Variants in JAKMIP3 observed in about 807,000 individuals in gnomAD.
JAKMIP3 encodes janus kinase and microtubule-interacting protein 3.
In JAKMIP3, 58 loss-of-function variants were observed where a neutral mutation model predicts 118.5. The ratio of observed to expected loss-of-function variants is 0.49; its 90% CI spans 0.40 to 0.61. JAKMIP3 has a LOEUF of 0.61. Among genes scored for constraint, JAKMIP3 ranks in the 20% least tolerant of loss-of-function variants. The probability of loss-of-function intolerance (pLI) is 0.00; values close to 1 mark genes in which losing one functional copy is unlikely to be tolerated. For missense variants in JAKMIP3, 950 were observed against 1,109.0 expected (o/e 0.86, Z 2.04); for synonymous variants, 486 against 451.2 (o/e 1.08, Z -0.98).
intron 1 of JAKMIP3, among the ~76,000 whole-genome samples, chr10:132,093,181 TG>T (rs942836223): frequency 1.3e-5 from 2 of 152,192 alleles, no homozygotes; most frequent in East Asian, 3.8e-4. Context: ...CTGCCCTTAC[TG>T]GGGGGTGCCT....
chr10:132,138,113 C>T lies in JAKMIP3; in HGVS notation c.1285-6C>T. The T allele has an allele frequency of 6.2e-7, 1 of 1,611,318 alleles. No homozygotes were observed. ...CTTACACAACCTCTTCAACTGGCTT[C>T]CGCAGGAGCGGGACAAGCTGTTAAG... On this transcript the variant is annotated splice_polypyrimidine_tract_variant and splice_region_variant and intron_variant, in intron 8 of 23. Coordinates refer to ENST00000684848, the MANE Select transcript of JAKMIP3 (RefSeq NM_001323087.2).
chr10:132,128,409 G>A (rs1023519568), intron 3 of JAKMIP3, among the ~76,000 whole-genome samples: 1 of 152,256 alleles, frequency 6.6e-6, no homozygotes, highest in Admixed American at 6.5e-5. Context: ...AAAAAATACT[G>A]CTTGGAGACA....
intron 1 of JAKMIP3, among the ~76,000 whole-genome samples, chr10:132,077,884 T>C (rs2041078462): frequency 6.6e-6 from 1 of 152,216 alleles, no homozygotes; most frequent in Non-Finnish European, 1.5e-5. Context: ...TGGTCTCGGC[T>C]CACTACAACC....
At chr10:132,139,193 T>C (rs1200156137) in intron 9 of JAKMIP3, among the ~76,000 whole-genome samples, 4 of 83,024 alleles carry the variant, frequency 4.8e-5, no homozygotes, top group African/African-American at 1.9e-4. Context: ...TGTATGTGTG[T>C]GTATGAGTGT....
At chr10:132,050,383 A>G (rs1039164067) in intron 1 of JAKMIP3, among the ~76,000 whole-genome samples, 2 of 152,188 alleles carry the variant, frequency 1.3e-5, no homozygotes, top group Non-Finnish European at 2.9e-5. Flanking sequence ...GGTGGTGTCC[A>G]ATGGACCCTT....
In JAKMIP3 at chr10:132,142,065, C is replaced by CG; in HGVS notation, c.1602+17_1602+18insG. 1 of 1,588,258 alleles carries CG rather than the reference C, an allele frequency of 6.3e-7. No individual in the cohort carries two copies. The highest frequency in any genetic ancestry group is 1.7e-5 in the Admixed American group (1 of 57,312). Reference sequence around the variant, plus strand: ...GAAGTTAAGGTCTACGTGACTTCCACCGCGCGTTCCGGCCCCCCTCGTGCC... The same window carrying CG: ...GAAGTTAAGGTCTACGTGACTTCCACGCGCGCGTTCCGGCCCCCCTCGTGCC... On this transcript the variant is annotated intron_variant, in intron 11 of 23. Transcript: ENST00000684848.
rs577281657 is a variant in JAKMIP3, at chr10:132,178,583, CTG to C, written c.*1104-3770_*1104-3769del. Among the ~76,000 whole-genome samples the C allele has an allele frequency of 2.5e-3, 379 of 152,294 alleles. 1 individual carries two copies. Among genetic ancestry groups the C allele is most frequent in the African/African-American group, 8.8e-3 (364 of 41,552 alleles). On this transcript the variant is annotated intron_variant, in intron 23 of 23. Coordinates refer to ENST00000684848, the MANE Select transcript of JAKMIP3 (RefSeq NM_001323087.2). ...ACTCCATGTCCTATCAGCTGGGAAT[CTG>C]TGTATTTGTGGGGCGGTGTTGGGGA...
At chr10:132,046,178 G>A (rs938406194) in intron 1 of JAKMIP3, among the ~76,000 whole-genome samples, 4 of 152,170 alleles carry the variant, frequency 2.6e-5, no homozygotes, top group African/African-American at 9.7e-5. Context: ...CCAGGGGCCA[G>A]GTGTGGTGGC....
intron 1 of JAKMIP3, among the ~76,000 whole-genome samples, chr10:132,101,937 G>C (rs1366163533): frequency 6.6e-6 from 1 of 152,000 alleles, no homozygotes; most frequent in Non-Finnish European, 1.5e-5. Context: ...CCCCAGGGAG[G>C]ACTGTGGGAG....
At position 132,133,339 on chromosome 10, in the gene JAKMIP3, G is replaced by A; in HGVS notation, c.661G>A (p.Ala221Thr). Residue 221 changes from alanine to threonine, a missense_variant, in exon 4 of 24, where the codon GCA becomes ACA. Physicochemically the swap from Ala to Thr is moderately conservative, Grantham distance 58. Coordinates refer to ENST00000684848, the MANE Select transcript of JAKMIP3 (RefSeq NM_001323087.2). ...LMEEIKFKDR[A>T]VFVLERELGV... Reference sequence around the variant, plus strand: ...GGAGGAGATAAAATTTAAAGACAGAGCAGTCTTCGTGCTGGAGAGAGAGTT... The same window carrying A: ...GGAGGAGATAAAATTTAAAGACAGAACAGTCTTCGTGCTGGAGAGAGAGTT... The A allele has an allele frequency of 6.3e-7, 1 of 1,596,674 alleles. No individual in the cohort carries two copies. Among genetic ancestry groups the A allele is most frequent in the South Asian group, 1.1e-5 (1 of 87,856 alleles).
chr10:132,080,055 C>G (rs2041516356), intron 1 of JAKMIP3, among the ~76,000 whole-genome samples: 1 of 152,206 alleles, frequency 6.6e-6, no homozygotes, highest in Non-Finnish European at 1.5e-5. Flanking sequence ...TGGCTCACAC[C>G]TGTAATCCCA....
chr10:132,152,860 G>A (rs1461776894), intron 16 of JAKMIP3, 98 bp from the exon 17 acceptor site: 2 of 955,764 alleles, frequency 2.1e-6, no homozygotes, highest in Non-Finnish European at 3.3e-6. Flanking sequence ...GGCGTCCCCA[G>A]TCAGCCTCCC....
chr10:132,136,968 G>C (rs967149943), intron 6 of JAKMIP3, 51 bp from the exon 7 acceptor site: 2 of 1,592,652 alleles, frequency 1.3e-6, no homozygotes, highest in African/African-American at 2.7e-5. Flanking sequence ...ACTGTGTTCA[G>C]CCAGACCCCT....
chr10:132,080,098 T>C (rs2041525845), intron 1 of JAKMIP3, among the ~76,000 whole-genome samples: 1 of 152,218 alleles, frequency 6.6e-6, no homozygotes, highest in Non-Finnish European at 1.5e-5. Flanking sequence ...GATAATTGCT[T>C]GAGCCCAGAA....
At chr10:132,143,147 T>TGGGGGGG (rs1189453501) in intron 11 of JAKMIP3, among the ~76,000 whole-genome samples, 3 of 147,440 alleles carry the variant, frequency 2.0e-5, no homozygotes, top group African/African-American at 7.8e-5. Flanking sequence ...TGAGTCGGGG[T>TGGGGGGG]GGGGGGGGCT....
chr10:132,072,820 C>A (rs1298126718), intron 1 of JAKMIP3, among the ~76,000 whole-genome samples: 5 of 150,858 alleles, frequency 3.3e-5, no homozygotes, highest in Non-Finnish European at 7.4e-5. Flanking sequence ...GTATATTGTA[C>A]AGTGGCGACG....
At position 132,153,152 on chromosome 10, in the gene JAKMIP3, G is replaced by A. The variant is rs562716652; in HGVS notation, c.2073+129G>A. 92 of 697,258 alleles carry A rather than the reference G, an allele frequency of 1.3e-4. 1 individual carries two copies. In the Middle Eastern group the frequency reaches 2.6e-3, roughly 19 times the overall value. The allele number at this position is 697,258 out of a possible 1,614,324, so 43.2% of individuals were successfully genotyped here. A position where few individuals can be genotyped will look rare whatever the true frequency, so the allele number is the denominator to read the frequency against. On this transcript the variant is annotated intron_variant, in intron 17 of 23. Transcript: ENST00000684848. ...GGGTTTGGGGGGTCCACTAAGCCCCGTCTGCCCTGGGAGATCTGACACACT... is the reference window on the plus strand; with the variant it reads ...GGGTTTGGGGGGTCCACTAAGCCCCATCTGCCCTGGGAGATCTGACACACT...
At chr10:132,104,013 C>T (rs964988889) in intron 1 of JAKMIP3, among the ~76,000 whole-genome samples, 3 of 152,318 alleles carry the variant, frequency 2.0e-5, no homozygotes, top group Non-Finnish European at 4.4e-5. Flanking sequence ...TTCACCCAGC[C>T]TAATGTCTTC....
chr10:132,167,827 C>T, intron 22 of JAKMIP3, 126 bp from the exon 23 acceptor site: 1 of 489,126 alleles, frequency 2.0e-6, no homozygotes, highest in South Asian at 1.9e-5. Flanking sequence ...CCTCGGCCCT[C>T]ACCCCTCGGC....
Sources: gnomAD v4.1 joint callset for allele counts (sites outside exome capture counted in the v4.1 genomes callset) on GRCh38, gnomAD v4.1.1 for gene constraint, MANE v1.5 for transcripts, NCBI Gene and HGNC (gene_info 2026-07-23, HGNC 2026-07-21) for gene names.